The following PRKAG2 variants were observed in gnomAD, a reference collection of about 807,000 sequenced individuals.
PRKAG2 encodes protein kinase AMP-activated non-catalytic subunit gamma 2.
In PRKAG2, 26 loss-of-function variants were observed where a neutral mutation model predicts 69.6. That is an observed-to-expected ratio of 0.37 (90% CI 0.27 to 0.52). PRKAG2 has a LOEUF of 0.52. PRKAG2 is among the 20% of genes least tolerant of loss of function. The pLI, the probability that PRKAG2 is intolerant of heterozygous loss-of-function variation, is 0.90. For missense variants in PRKAG2, 557 were observed against 740.0 expected (o/e 0.75, Z 2.87); for synonymous variants, 293 against 285.0 (o/e 1.03, Z -0.28).
intron 3 of PRKAG2, among the ~76,000 whole-genome samples, chr7:151,741,365 C>T (rs1225220541): frequency 6.6e-6 from 1 of 151,970 alleles, no homozygotes; most frequent in Non-Finnish European, 1.5e-5. Context: ...TCTTACACTA[C>T]ATAATACAAC....
chr7:151,602,759 G>A (rs1008300041), intron 5 of PRKAG2, among the ~76,000 whole-genome samples: 2 of 152,098 alleles, frequency 1.3e-5, no homozygotes, highest in Non-Finnish European at 2.9e-5. Context: ...GGACCTGCTG[G>A]GAGGTGATTG....
chr7:151,764,197 T>A (rs1455366575), intron 3 of PRKAG2, among the ~76,000 whole-genome samples: 1 of 152,110 alleles, frequency 6.6e-6, no homozygotes, highest in Admixed American at 6.5e-5. Context: ...ATAAAAGTGG[T>A]GATGGAAACA....
intron 5 of PRKAG2, among the ~76,000 whole-genome samples, chr7:151,628,975 G>A (rs1823715434): frequency 6.6e-6 from 1 of 152,156 alleles, no homozygotes; most frequent in South Asian, 2.1e-4. Flanking sequence ...GTGTGGCATG[G>A]AAAGCATGCA....
Position 151,777,557 on chromosome 7 carries a change from A to C in PRKAG2, c.466+3595T>G, listed in dbSNP as rs1289819783. ...TTGCTCCCTTGCGTGTGAGCTCTGC[A>C]TACCCCGGCTTTCCTTCGCCTTCCT... On this transcript the variant is annotated intron_variant, in intron 3 of 15. Coordinates refer to ENST00000287878, the MANE Select transcript of PRKAG2 (RefSeq NM_016203.4). The surrounding 1 kb of genome is among the most constrained non-coding windows in gnomAD (Gnocchi z 4.3). 1.3e-5 allele frequency among the ~76,000 whole-genome samples: 2 copies of C among 152,076 alleles called. No individual in the cohort carries two copies. The highest frequency in any genetic ancestry group is 1.3e-4 in the Admixed American group (2 of 15,276).
chr7:151,861,643 G>T (rs2079929039), intron 1 of PRKAG2, among the ~76,000 whole-genome samples: 1 of 152,096 alleles, frequency 6.6e-6, no homozygotes, highest in Non-Finnish European at 1.5e-5. Flanking sequence ...CATTCTTAGG[G>T]TCGGTCCTCC....
intron 1 of PRKAG2, among the ~76,000 whole-genome samples, chr7:151,840,388 C>T (rs545002598): frequency 6.6e-6 from 1 of 152,300 alleles, no homozygotes; most frequent in South Asian, 2.1e-4. Flanking sequence ...GTTAGTTACT[C>T]ATTCATTCAT....
At chr7:151,702,840 C>T (rs1304599417) in intron 3 of PRKAG2, among the ~76,000 whole-genome samples, 2 of 152,184 alleles carry the variant, frequency 1.3e-5, no homozygotes, top group East Asian at 3.9e-4. Flanking sequence ...GCCCAAAGGT[C>T]TCTCCTGGGA....
intron 1 of PRKAG2, among the ~76,000 whole-genome samples, chr7:151,873,047 G>A (rs2080258348): frequency 6.6e-6 from 1 of 152,178 alleles, no homozygotes; most frequent in African/African-American, 2.4e-5. Context: ...ATGATTCATT[G>A]TCTACCTGAA....
intron 1 of PRKAG2, among the ~76,000 whole-genome samples, chr7:151,859,952 G>C (rs1212415176): frequency 6.6e-6 from 1 of 152,192 alleles, no homozygotes; most frequent in Non-Finnish European, 1.5e-5. Context: ...TGCAGGACAC[G>C]AGTGCCCATC....
intron 15 of PRKAG2, 168 bp downstream of exon 15, chr7:151,560,356 C>A: frequency 6.5e-7 from 1 of 1,530,648 alleles, no homozygotes; most frequent in Non-Finnish European, 8.8e-7. Context: ...TCACGCAGAA[C>A]ACTTAAACTT....
Position 151,814,688 on chromosome 7 carries a change from A to G in PRKAG2, c.115-28147T>C, listed in dbSNP as rs2078587952. ...GGGCTGGGTGTGTTCCCAGTCCCCAAGGCAGCGCAACAAGCGGCTGGCAGA... is the reference window on the plus strand; with the variant it reads ...GGGCTGGGTGTGTTCCCAGTCCCCAGGGCAGCGCAACAAGCGGCTGGCAGA... On this transcript the variant is annotated intron_variant, in intron 1 of 15. Coordinates refer to ENST00000287878, the MANE Select transcript of PRKAG2 (RefSeq NM_016203.4). The surrounding 1 kb of genome is among the most constrained non-coding windows in gnomAD (Gnocchi z 4.8). 8.1e-7 allele frequency: 1 copy of G among 1,231,794 alleles called. No homozygotes were observed. The highest frequency in any genetic ancestry group is 1.0e-6 in the Non-Finnish European group (1 of 987,988). 76.3% of individuals were successfully genotyped at this position (1,231,794 alleles called of 1,614,324 possible). A position where few individuals can be genotyped will look rare whatever the true frequency, so the allele number is the denominator to read the frequency against.
chr7:151,856,141 A>T (rs1213228482), intron 1 of PRKAG2, among the ~76,000 whole-genome samples: 4 of 152,242 alleles, frequency 2.6e-5, no homozygotes, highest in Admixed American at 6.5e-5. Context: ...TGGCAAACCT[A>T]CATAGGGTAT....
At chr7:151,687,508 C>T (rs375415549) in intron 3 of PRKAG2, among the ~76,000 whole-genome samples, 54 of 152,332 alleles carry the variant, frequency 3.5e-4, no homozygotes, top group African/African-American at 1.3e-3. Context: ...ATCACAAAAG[C>T]AACAGGCATT....
chr7:151,816,501 T>C (rs1296917055), intron 1 of PRKAG2, among the ~76,000 whole-genome samples: 3 of 152,174 alleles, frequency 2.0e-5, no homozygotes, highest in Non-Finnish European at 2.9e-5. Flanking sequence ...GTGGAAACAC[T>C]TGCTCTGCAC....
At chr7:151,725,046 T>C (rs1797711402) in intron 3 of PRKAG2, among the ~76,000 whole-genome samples, 1 of 152,030 alleles carries the variant, frequency 6.6e-6, no homozygotes, top group Non-Finnish European at 1.5e-5. Context: ...CTCCTGCCCC[T>C]TCACGGGCCA....
intron 3 of PRKAG2, among the ~76,000 whole-genome samples, chr7:151,714,964 TAAG>T (rs1397345404): frequency 6.7e-6 from 1 of 149,186 alleles, no homozygotes; most frequent in African/African-American, 2.5e-5. Context: ...AAATAATAAA[TAAG>T]AAAAAATAAA....
At chr7:151,600,044 T>C (rs1371703473) in intron 5 of PRKAG2, among the ~76,000 whole-genome samples, 3 of 152,332 alleles carry the variant, frequency 2.0e-5, no homozygotes, top group Admixed American at 1.3e-4. Context: ...CATTAGACCT[T>C]GGCTCAAGGA....
intron 3 of PRKAG2, among the ~76,000 whole-genome samples, chr7:151,763,422 G>A (rs993084320): frequency 1.3e-5 from 2 of 152,218 alleles, no homozygotes; most frequent in South Asian, 2.1e-4. Context: ...CACCCTGACC[G>A]CAGGGGTGGG....
At chr7:151,729,333 T>C (rs1218005362) in intron 3 of PRKAG2, among the ~76,000 whole-genome samples, 1 of 151,996 alleles carries the variant, frequency 6.6e-6, no homozygotes, top group Non-Finnish European at 1.5e-5. Context: ...CCTAGGAGTC[T>C]TCTGTTTGGA....
Sources: gnomAD v4.1 joint callset for allele counts (sites outside exome capture counted in the v4.1 genomes callset) on GRCh38, gnomAD v4.1.1 for gene constraint, Gnocchi (gnomAD v3.1) non-coding constraint, MANE v1.5 for transcripts, NCBI Gene and HGNC (gene_info 2026-07-23, HGNC 2026-07-21) for gene names.